Variants in FBXO42 observed in about 807,000 individuals in gnomAD.
FBXO42 encodes the protein F-box only protein 42.
In FBXO42, 12 loss-of-function variants were observed where a neutral mutation model predicts 71.7. That is an observed-to-expected ratio of 0.17 (90% CI 0.11 to 0.27). FBXO42 has a LOEUF of 0.27. FBXO42 is among the 10% of genes least tolerant of loss of function. The pLI is 1.00. For missense variants in FBXO42, 707 were observed against 911.9 expected (o/e 0.78, Z 2.89); for synonymous variants, 325 against 327.5 (o/e 0.99, Z 0.08).
chr1:16,277,569 A>G (rs1394110614), intron 4 of FBXO42, among the ~76,000 whole-genome samples: 1 of 151,678 alleles, frequency 6.6e-6, no homozygotes, highest in East Asian at 2.0e-4. Context: ...TACTAAAAAT[A>G]CAAAAACTAG....
intron 1 of FBXO42, among the ~76,000 whole-genome samples, chr1:16,332,545 C>CTT (rs796485216): frequency 9.0e-4 from 128 of 141,672 alleles, no homozygotes; most frequent in East Asian, 1.2e-3. Context: ...ATTTCTTTTC[C>CTT]TTTTTTTTTT....
chr1:16,307,946 T>G (rs2082269235), intron 2 of FBXO42, among the ~76,000 whole-genome samples: 1 of 152,144 alleles, frequency 6.6e-6, no homozygotes. Context: ...TTCCACAGTT[T>G]ATGTGGAGAA....
intron 1 of FBXO42, among the ~76,000 whole-genome samples, chr1:16,333,747 G>A (rs2082524507): frequency 6.6e-6 from 1 of 152,168 alleles, no homozygotes; most frequent in Non-Finnish European, 1.5e-5. Context: ...AAGATGTGGT[G>A]TCCAGAAATG....
At position 16,348,338 on chromosome 1, in the gene FBXO42, GT is replaced by G. The variant is rs1319167026; in HGVS notation, c.-18+3916del. Among the ~76,000 whole-genome samples the G allele has an allele frequency of 4.7e-5, 7 of 150,084 alleles. No homozygotes were observed. The East Asian group carries it at 9.6e-4, about 21-fold the overall frequency. ...ACTACAGCACTAAGGTAAATAACTT[GT>G]ACTGGGATACAGAAGTTCAATATCA... On this transcript the variant is annotated intron_variant, in intron 1 of 9. Transcript: ENST00000375592.
At chr1:16,283,807 T>G (rs960870275) in intron 4 of FBXO42, among the ~76,000 whole-genome samples, 1 of 152,174 alleles carries the variant, frequency 6.6e-6, no homozygotes, top group Non-Finnish European at 1.5e-5. Flanking sequence ...TGGCAAGTTT[T>G]AAAACTGAAA....
At chr1:16,306,892 GA>G (rs1432982841) in intron 2 of FBXO42, among the ~76,000 whole-genome samples, 2 of 151,866 alleles carry the variant, frequency 1.3e-5, no homozygotes, top group African/African-American at 4.8e-5. Flanking sequence ...CATAACTCAG[GA>G]AAGTTTGTTT....
chr1:16,316,561 T>C (rs11583267), intron 1 of FBXO42, among the ~76,000 whole-genome samples: 52,772 of 150,488 alleles, frequency 0.35, 9,664 homozygotes, highest in African/African-American at 0.41. Flanking sequence ...CATGGCGAAA[T>C]CCCATCTCTA....
chr1:16,308,513 T>TC lies in FBXO42; in HGVS notation c.251-2595dup, dbSNP rs1553153477. 6.2e-4 allele frequency among the ~76,000 whole-genome samples: 91 copies of TC among 147,068 alleles called. 1 individual carries two copies. The highest frequency in any genetic ancestry group is 2.2e-3 in the African/African-American group (86 of 39,196). ...ATCTCTCTTTTTTTTTTTTTTTTTTTCCTTTAGACTGAGTCTCACTCTGTC... is the reference window on the plus strand; with the variant it reads ...ATCTCTCTTTTTTTTTTTTTTTTTTTCCCTTTAGACTGAGTCTCACTCTGTC... On this transcript the variant is annotated intron_variant, in intron 2 of 9. Coordinates refer to ENST00000375592, the MANE Select transcript of FBXO42 (RefSeq NM_018994.3).
At chr1:16,271,700 CT>C (rs1452008576) in intron 4 of FBXO42, among the ~76,000 whole-genome samples, 1 of 152,122 alleles carries the variant, frequency 6.6e-6, no homozygotes, top group Non-Finnish European at 1.5e-5. Flanking sequence ...CATCCACAGC[CT>C]TTTTTCAATG....
chr1:16,313,306 A>C (rs1197373548), intron 2 of FBXO42, among the ~76,000 whole-genome samples: 4 of 149,318 alleles, frequency 2.7e-5, no homozygotes, highest in Non-Finnish European at 5.9e-5. Context: ...GAGAGAAAGA[A>C]AGAAAGAGAA....
rs771415030 is a variant in FBXO42 at position 16,294,805 on chromosome 1, C to T, written c.480G>A (p.Glu160=). Residue 160 remains glutamate, a synonymous_variant, in exon 4 of 10, where the codon GAG becomes GAA. Transcript: ENST00000375592. ...DLWRLDLNSK[E]WIRPLASGSY... The stretch of plus-strand genomic sequence containing the variant: ...TACCTGAAGCCAAAGGTCGGATCCA[C>T]TCTTTGCTGTTTAGGTCAAGTCTCC... The T allele has an allele frequency of 3.1e-5, 50 of 1,613,980 alleles. No homozygotes were observed. The Admixed American group carries it at 7.8e-4, about 25-fold the overall frequency.
At chr1:16,253,229 G>T in intron 7 of FBXO42, 77 bp from the exon 8 acceptor site, 1 of 1,296,366 alleles carries the variant, frequency 7.7e-7, no homozygotes, top group Non-Finnish European at 1.1e-6. Context: ...TGGTATATGA[G>T]AATAGCCTAC....
chr1:16,326,012 A>ATT (rs1553154790), intron 1 of FBXO42, among the ~76,000 whole-genome samples: 2 of 50,994 alleles, frequency 3.9e-5, no homozygotes, highest in African/African-American at 1.0e-4. Flanking sequence ...CAGTGCCCAA[A>ATT]TTTGTGTGTG....
At chr1:16,313,320 AAAACAAAGAAAGAAAGAAAG>A (rs1029021128) in intron 2 of FBXO42, among the ~76,000 whole-genome samples, 5 of 110,156 alleles carry the variant, frequency 4.5e-5, no homozygotes, top group African/African-American at 2.0e-4. Flanking sequence ...AAGAGAAAAG[AAAACAAAGAAAGAAAGAAAG>A]AAAGAAAGAA....
intron 2 of FBXO42, among the ~76,000 whole-genome samples, chr1:16,311,314 A>G (rs1337305007): frequency 6.7e-6 from 1 of 149,918 alleles, no homozygotes. Context: ...CCATCTCTAC[A>G]AAAATAAATA....
At chr1:16,285,954 AC>A (rs2082017669) in intron 4 of FBXO42, among the ~76,000 whole-genome samples, 1 of 151,636 alleles carries the variant, frequency 6.6e-6, no homozygotes, top group Non-Finnish European at 1.5e-5. Context: ...TGCAGCCTCA[AC>A]CTCCTGGACT....
chr1:16,308,488 ATC>A (rs1329696224), intron 2 of FBXO42, among the ~76,000 whole-genome samples: 1 of 138,188 alleles, frequency 7.2e-6, no homozygotes, highest in Non-Finnish European at 1.6e-5. Context: ...AGTGAGACCC[ATC>A]TCTCTTTTTT....
At chr1:16,281,586 G>A (rs1380687101) in intron 4 of FBXO42, among the ~76,000 whole-genome samples, 2 of 150,694 alleles carry the variant, frequency 1.3e-5, no homozygotes, top group East Asian at 2.0e-4. Context: ...CTTGTGCCTC[G>A]GACTCTTGAG....
chr1:16,269,403 AAG>A (rs967764572), intron 4 of FBXO42, among the ~76,000 whole-genome samples: 4 of 137,642 alleles, frequency 2.9e-5, no homozygotes, highest in African/African-American at 1.1e-4. Flanking sequence ...TTTTTTTTTT[AAG>A]AGAGTATCAC....
Sources: allele counts gnomAD v4.1 joint callset (sites outside exome capture counted in the v4.1 genomes callset), GRCh38; gene constraint gnomAD v4.1.1; transcripts MANE v1.5; gene names NCBI Gene and HGNC (gene_info 2026-07-23, HGNC 2026-07-21).